BMP6: variants seen among roughly 807,000 people sequenced by gnomAD.
The protein encoded by BMP6 is VG-1-R.
BMP6 carries 17 observed loss-of-function variants against 54.1 expected under a neutral mutation model. The observed-to-expected ratio is 0.31, with a 90% CI of 0.22 to 0.47. BMP6 has a LOEUF of 0.47. BMP6 is among the 20% of genes least tolerant of loss of function. The pLI is 1.00. For missense variants in BMP6, 720 were observed against 690.4 expected (o/e 1.04, Z -0.48); for synonymous variants, 328 against 291.2 (o/e 1.13, Z -1.28).
intron 1 of BMP6, among the ~76,000 whole-genome samples, chr6:7,742,854 C>T (rs1036003282): frequency 1.3e-4 from 20 of 151,984 alleles, no homozygotes; most frequent in African/African-American, 4.1e-4. Context: ...TTAAACAACC[C>T]TTCAGTACTT....
intron 1 of BMP6, among the ~76,000 whole-genome samples, chr6:7,757,843 G>A (rs1445486471): frequency 6.6e-6 from 1 of 152,126 alleles, no homozygotes; most frequent in African/African-American, 2.4e-5. Flanking sequence ...CAGGTTCCCT[G>A]TCTATTCCTG....
chr6:7,730,166 C>T (rs1284269529), intron 1 of BMP6, among the ~76,000 whole-genome samples: 3 of 152,156 alleles, frequency 2.0e-5, no homozygotes, highest in African/African-American at 7.2e-5. Flanking sequence ...TTCCTTGCTT[C>T]TCTGACTTTT....
intron 4 of BMP6, among the ~76,000 whole-genome samples, chr6:7,876,466 A>G (rs934795737): frequency 6.6e-6 from 1 of 152,148 alleles, no homozygotes; most frequent in Non-Finnish European, 1.5e-5. Flanking sequence ...CGAAATTCCT[A>G]TTAGAAATTT....
chr6:7,837,308 G>C (rs1360064677), intron 1 of BMP6, among the ~76,000 whole-genome samples: 1 of 151,958 alleles, frequency 6.6e-6, no homozygotes, highest in South Asian at 2.1e-4. Context: ...ATTCAGAAAA[G>C]ATATATATTA....
At chr6:7,841,640 CAGCTTTGAGGTAAAAGGCACA>C (rs1758972381) in intron 1 of BMP6, among the ~76,000 whole-genome samples, 1 of 152,086 alleles carries the variant, frequency 6.6e-6, no homozygotes, top group African/African-American at 2.4e-5. Context: ...GAAGGTGGTA[CAGCTTTGAGGTAAAAGGCACA>C]GGAGCAGCTT....
intron 1 of BMP6, among the ~76,000 whole-genome samples, chr6:7,737,178 T>TC (rs1761967809): frequency 1.3e-5 from 2 of 150,514 alleles, no homozygotes; most frequent in Non-Finnish European, 3.0e-5. Context: ...AAAGCGAGAC[T>TC]CCATCTCAAA....
intron 1 of BMP6, among the ~76,000 whole-genome samples, chr6:7,743,049 G>A (rs888903040): frequency 1.3e-5 from 2 of 152,142 alleles, no homozygotes; most frequent in African/African-American, 4.8e-5. Context: ...GACCACAGAA[G>A]TAGCAAATAT....
intron 1 of BMP6, among the ~76,000 whole-genome samples, chr6:7,800,093 T>G (rs1052166280): frequency 1.4e-3 from 203 of 149,266 alleles, no homozygotes; most frequent in African/African-American, 5.1e-3. Context: ...TGTGTGTGTG[T>G]GTGTGTGTGT....
At chr6:7,869,581 A>G (rs1272114189) in intron 4 of BMP6, among the ~76,000 whole-genome samples, 1 of 152,138 alleles carries the variant, frequency 6.6e-6, no homozygotes, top group Non-Finnish European at 1.5e-5. Context: ...TGAGAGAGCT[A>G]TTCTGCAGTT....
rs1272541337 is a variant in BMP6, at chr6:7,862,325, C to T, written c.1031C>T (p.Ala344Val). The change falls in exon 4 of 7, where the codon GCA becomes GTA. Residue 344 changes from alanine to valine, a missense_variant. Ala to Val is a moderately conservative substitution (Grantham distance 64, BLOSUM62 0). Around this residue, in one of 3 missense-constraint regions of BMP6, gnomAD observed 650 missense variants for 556.3 expected, o/e 1.17. Coordinates refer to ENST00000283147, the MANE Select transcript of BMP6 (RefSeq NM_001718.6). ...GGAGTCCACGTCCACCCCCGAGCCG[C>T]AGGCCTGGTGGGCAGAGACGGCCCT... is the stretch of plus-strand genomic sequence containing the variant. ...RDGVHVHPRA[A>V]GLVGRDGPYD... The T allele has an allele frequency of 6.2e-7, 1 of 1,614,234 alleles. No homozygotes were observed.
At chr6:7,845,083 C>A in intron 1 of BMP6, 57 bp from the exon 2 acceptor site, 1 of 1,483,330 alleles carries the variant, frequency 6.7e-7, no homozygotes, top group Non-Finnish European at 9.3e-7. Context: ...GTGAGGTAAG[C>A]CCGTGGCACT....
chr6:7,795,858 T>C (rs1378165233), intron 1 of BMP6, among the ~76,000 whole-genome samples: 1 of 151,958 alleles, frequency 6.6e-6, no homozygotes, highest in African/African-American at 2.4e-5. Flanking sequence ...CCATCTTGAA[T>C]GTATGGGTGG....
intron 2 of BMP6, among the ~76,000 whole-genome samples, chr6:7,854,934 G>A (rs998641652): frequency 3.9e-5 from 6 of 152,142 alleles, no homozygotes; most frequent in Non-Finnish European, 7.4e-5. Flanking sequence ...CTGGGTAGCC[G>A]TCAGTTTGTA....
chr6:7,844,496 G>T (rs567698504), intron 1 of BMP6, among the ~76,000 whole-genome samples: 2 of 152,168 alleles, frequency 1.3e-5, no homozygotes, highest in East Asian at 3.9e-4. Flanking sequence ...GCTCAGAGTC[G>T]TGGAGCCTTC....
intron 1 of BMP6, among the ~76,000 whole-genome samples, chr6:7,761,576 G>C (rs529779508): frequency 3.3e-5 from 5 of 152,282 alleles, no homozygotes; most frequent in African/African-American, 1.2e-4. Flanking sequence ...GGAATGGCCG[G>C]AACACAAGAC....
chr6:7,748,436 A>G (rs1237842070), intron 1 of BMP6, among the ~76,000 whole-genome samples: 5 of 152,192 alleles, frequency 3.3e-5, no homozygotes, highest in Non-Finnish European at 7.4e-5. Context: ...GAAACCATCA[A>G]AAAGAAAACT....
At chr6:7,875,914 G>C (rs1561799210) in intron 4 of BMP6, among the ~76,000 whole-genome samples, 1 of 152,168 alleles carries the variant, frequency 6.6e-6, no homozygotes, top group Admixed American at 6.5e-5. Context: ...CTAGACACTG[G>C]CTGCCGTACT....
chr6:7,786,442 T>A (rs989876918), intron 1 of BMP6, among the ~76,000 whole-genome samples: 1 of 147,948 alleles, frequency 6.8e-6, no homozygotes, highest in Non-Finnish European at 1.5e-5. Context: ...AAACAGCTGC[T>A]TTTCCCTTCT....
At chr6:7,860,687 C>T (rs1759319283) in intron 2 of BMP6, among the ~76,000 whole-genome samples, 1 of 152,202 alleles carries the variant, frequency 6.6e-6, no homozygotes. Context: ...ACTCAGCATC[C>T]ACCCTCGGCT....
Sources: allele counts gnomAD v4.1 joint callset (sites outside exome capture counted in the v4.1 genomes callset), GRCh38; gene constraint gnomAD v4.1.1; regional missense constraint gnomAD v4.1.1; transcripts MANE v1.5; gene names NCBI Gene and HGNC (gene_info 2026-07-23, HGNC 2026-07-21).